Variants in PDE1C observed in about 807,000 individuals in gnomAD.
PDE1C encodes phosphodiesterase 1C.
In PDE1C, 62 loss-of-function variants were observed where a neutral mutation model predicts 93.1. The ratio of observed to expected loss-of-function variants is 0.67; its 90% CI spans 0.54 to 0.82. PDE1C has a LOEUF of 0.82. PDE1C is among the 40% of genes least tolerant of loss of function. The probability of loss-of-function intolerance (pLI) is 0.00; values close to 1 mark genes in which losing one functional copy is unlikely to be tolerated. For synonymous variants in PDE1C, 325 were observed against 310.1 expected (o/e 1.05, Z -0.50); for missense variants, 742 against 884.6 (o/e 0.84, Z 2.04).
chr7:32,145,802 A>G (rs1157484736), intron 3 of PDE1C, among the ~76,000 whole-genome samples: 2 of 152,132 alleles, frequency 1.3e-5, no homozygotes, highest in African/African-American at 4.8e-5. Context: ...GACTGAATGA[A>G]TTGCCCCAAT....
At chr7:32,400,153 A>G (rs1280856395) in intron 1 of PDE1C, among the ~76,000 whole-genome samples, 1 of 152,196 alleles carries the variant, frequency 6.6e-6, no homozygotes, top group Admixed American at 6.5e-5. Flanking sequence ...TTCACACCGT[A>G]TTATTATTAA....
intron 7 of PDE1C, among the ~76,000 whole-genome samples, chr7:31,852,893 C>G (rs1386365833): frequency 6.6e-6 from 1 of 151,544 alleles, no homozygotes; most frequent in African/African-American, 2.4e-5. Flanking sequence ...CTTTTCTTCC[C>G]CAATATTTTG....
At chr7:31,726,122 C>A in the PDE1C span, among the ~76,000 whole-genome samples, 2 of 152,162 alleles carry the variant, frequency 1.3e-5, no homozygotes, top group Non-Finnish European at 2.9e-5. Context: ...TGGCTGGCGT[C>A]CACTGGAATG....
At chr7:31,731,508 A>C in the PDE1C span, among the ~76,000 whole-genome samples, 1 of 152,104 alleles carries the variant, frequency 6.6e-6, no homozygotes, top group Non-Finnish European at 1.5e-5. Flanking sequence ...CTCCTGCCTC[A>C]GCCTCCTGAG....
At chr7:32,166,256 G>C (rs1440287845) in intron 3 of PDE1C, among the ~76,000 whole-genome samples, 1 of 152,102 alleles carries the variant, frequency 6.6e-6, no homozygotes, top group South Asian at 2.1e-4. Context: ...TTCGCCGGGG[G>C]CAATAGAGTT....
intron 1 of PDE1C, among the ~76,000 whole-genome samples, chr7:32,253,959 C>A (rs1040315906): frequency 6.6e-6 from 1 of 152,060 alleles, no homozygotes; most frequent in African/African-American, 2.4e-5. Flanking sequence ...GGAGAGGGAT[C>A]AGCATGACGC....
intron 16 of PDE1C, among the ~76,000 whole-genome samples, chr7:31,794,017 TAG>T (rs1784899020): frequency 1.3e-4 from 16 of 124,150 alleles, no homozygotes; most frequent in African/African-American, 3.3e-4. Flanking sequence ...GATAGATAGA[TAG>T]ATAGATAGAT....
chr7:31,633,033 G>A, the PDE1C span, among the ~76,000 whole-genome samples: 13 of 151,858 alleles, frequency 8.6e-5, no homozygotes, highest in Non-Finnish European at 1.5e-4. Context: ...ATTACAGGTG[G>A]GCACCATCAT....
intron 15 of PDE1C, among the ~76,000 whole-genome samples, chr7:31,814,157 A>G (rs1324860863): frequency 6.6e-6 from 1 of 152,042 alleles, no homozygotes; most frequent in Non-Finnish European, 1.5e-5. Context: ...GGCTGGTTGC[A>G]TATTTTTGCA....
chr7:32,388,628 T>C (rs1008332076), intron 1 of PDE1C, among the ~76,000 whole-genome samples: 8 of 135,868 alleles, frequency 5.9e-5, no homozygotes, highest in Non-Finnish European at 9.0e-5. Context: ...CAGTGAGCCA[T>C]GATTGCACCG....
At chr7:32,355,240 G>C (rs997687376) in intron 1 of PDE1C, among the ~76,000 whole-genome samples, 1 of 152,186 alleles carries the variant, frequency 6.6e-6, no homozygotes, top group Non-Finnish European at 1.5e-5. Flanking sequence ...AGTTAATAAG[G>C]GGAGCTCTGA....
At chr7:32,041,233 C>T (rs1791768554) in intron 2 of PDE1C, among the ~76,000 whole-genome samples, 1 of 152,148 alleles carries the variant, frequency 6.6e-6, no homozygotes, top group Admixed American at 6.5e-5. Flanking sequence ...GGGAAACCCA[C>T]ACAAGCATTT....
intron 2 of PDE1C, among the ~76,000 whole-genome samples, chr7:31,890,863 T>C (rs1213953131): frequency 1.3e-5 from 2 of 152,078 alleles, no homozygotes; most frequent in Non-Finnish European, 2.9e-5. Flanking sequence ...TAAGGTGACC[T>C]GAGGCTGCCG....
intron 3 of PDE1C, among the ~76,000 whole-genome samples, chr7:32,084,345 C>A (rs1169314695): frequency 1.3e-5 from 2 of 150,762 alleles, no homozygotes; most frequent in African/African-American, 4.9e-5. Context: ...CACCCAGATT[C>A]ATAAAGCAAG....
chr7:32,095,212 A>G (rs751769566), intron 3 of PDE1C, among the ~76,000 whole-genome samples: 14 of 152,354 alleles, frequency 9.2e-5, no homozygotes, highest in Non-Finnish European at 1.6e-4. Flanking sequence ...ACAATGTTCC[A>G]TGCTCAGCTT....
chr7:31,965,804 C>T (rs1257606963), intron 2 of PDE1C, among the ~76,000 whole-genome samples: 1 of 152,148 alleles, frequency 6.6e-6, no homozygotes, highest in African/African-American at 2.4e-5. Context: ...GGCAAATATG[C>T]AACATTCTTA....
intron 3 of PDE1C, among the ~76,000 whole-genome samples, chr7:32,120,157 A>T (rs566973502): frequency 5.3e-5 from 8 of 152,030 alleles, no homozygotes; most frequent in Admixed American, 5.2e-4. Context: ...CCTGACCCTG[A>T]CTCATCCTTC....
intron 1 of PDE1C, among the ~76,000 whole-genome samples, chr7:32,054,175 C>T (rs1266984777): frequency 6.6e-6 from 1 of 152,148 alleles, no homozygotes; most frequent in Non-Finnish European, 1.5e-5. Context: ...TACACACCCT[C>T]TTCTGTGCTC....
At chr7:32,006,401 G>A (rs1009829925) in intron 2 of PDE1C, among the ~76,000 whole-genome samples, 1 of 152,196 alleles carries the variant, frequency 6.6e-6, no homozygotes, top group Non-Finnish European at 1.5e-5. Flanking sequence ...TACAGGGGTA[G>A]AGGATATAAG....
Sources: allele counts gnomAD v4.1 joint callset (sites outside exome capture counted in the v4.1 genomes callset), GRCh38; gene constraint gnomAD v4.1.1; transcripts MANE v1.5; gene names NCBI Gene and HGNC (gene_info 2026-07-23, HGNC 2026-07-21).